MEGF9: variants seen among roughly 807,000 people sequenced by gnomAD.
MEGF9 encodes the protein multiple EGF like domains 9, also known as multiple epidermal growth factor-like domains protein 9.
In MEGF9, 6 loss-of-function variants were observed where a neutral mutation model predicts 46.8. The ratio of observed to expected loss-of-function variants is 0.13; its 90% confidence interval spans 0.07 to 0.25. MEGF9 has a LOEUF of 0.25. Ranked by LOEUF, MEGF9 falls within the 10% of genes least tolerant of loss-of-function variation. MEGF9 has a pLI of 1.00. For missense variants in MEGF9, 683 were observed against 792.4 expected (o/e 0.86, Z 1.66); for synonymous variants, 302 against 330.7 (o/e 0.91, Z 0.94).
intron 1 of MEGF9, among the ~76,000 whole-genome samples, chr9:120,696,749 G>GAGT (rs1164921210): frequency 6.6e-6 from 1 of 152,106 alleles, no homozygotes; most frequent in Non-Finnish European, 1.5e-5. Context: ...CTTTAACAGT[G>GAGT]AGTAATAGGA....
intron 4 of MEGF9, among the ~76,000 whole-genome samples, chr9:120,612,179 C>CATT (rs1320991817): frequency 1.3e-5 from 2 of 152,066 alleles, no homozygotes; most frequent in African/African-American, 4.8e-5. Context: ...GAAGTTCCTG[C>CATT]ATTAACTCAT....
intron 2 of MEGF9, among the ~76,000 whole-genome samples, chr9:120,633,758 G>C (rs899505754): frequency 6.6e-6 from 1 of 151,976 alleles, no homozygotes; most frequent in Non-Finnish European, 1.5e-5. Flanking sequence ...TTGATACTGT[G>C]TTTGCTCTAT....
intron 4 of MEGF9, among the ~76,000 whole-genome samples, chr9:120,611,065 G>A (rs1215004696): frequency 6.6e-6 from 1 of 152,116 alleles, no homozygotes; most frequent in Admixed American, 6.6e-5. Flanking sequence ...CTACTAGGAT[G>A]GCTATAATTA....
At chr9:120,701,313 G>C (rs2043903974) in intron 1 of MEGF9, among the ~76,000 whole-genome samples, 1 of 152,110 alleles carries the variant, frequency 6.6e-6, no homozygotes, top group South Asian at 2.1e-4. Context: ...TTTCTTGGAA[G>C]CATGTAAGAC....
intron 2 of MEGF9, among the ~76,000 whole-genome samples, chr9:120,637,001 A>G (rs781779789): frequency 6.6e-6 from 1 of 152,220 alleles, no homozygotes; most frequent in Non-Finnish European, 1.5e-5. Flanking sequence ...AAAAGGGTGA[A>G]ATGTGGGGAA....
At chr9:120,694,160 T>C (rs760839709) in intron 1 of MEGF9, among the ~76,000 whole-genome samples, 19 of 152,190 alleles carry the variant, frequency 1.2e-4, no homozygotes, top group Non-Finnish European at 2.5e-4. Context: ...AAGGATATAA[T>C]AGAACACATT....
chr9:120,672,433 A>AAAAT (rs145401927), intron 1 of MEGF9, among the ~76,000 whole-genome samples: 4,752 of 144,814 alleles, frequency 0.033, 174 homozygotes, highest in East Asian at 0.19. Flanking sequence ...TCTCTACAGA[A>AAAAT]AAATAAATAA....
chr9:120,689,883 A>G (rs370050169), intron 1 of MEGF9: 5 of 506,184 alleles, frequency 9.9e-6, no homozygotes, highest in African/African-American at 9.7e-5. Flanking sequence ...TCAATACCTG[A>G]TAACAATTTT....
At chr9:120,647,401 T>C (rs1337515879) in intron 2 of MEGF9, among the ~76,000 whole-genome samples, 1 of 152,222 alleles carries the variant, frequency 6.6e-6, no homozygotes, top group Non-Finnish European at 1.5e-5. Flanking sequence ...GAACTTAACA[T>C]ACTTGATATC....
At chr9:120,672,950 G>C (rs1413054159) in intron 1 of MEGF9, among the ~76,000 whole-genome samples, 2 of 152,162 alleles carry the variant, frequency 1.3e-5, no homozygotes, top group African/African-American at 4.8e-5. Context: ...TTGAATCCAG[G>C]AGGCAGAGGT....
At chr9:120,645,710 T>C (rs1230352774) in intron 2 of MEGF9, among the ~76,000 whole-genome samples, 2 of 152,218 alleles carry the variant, frequency 1.3e-5, no homozygotes, top group Non-Finnish European at 2.9e-5. Flanking sequence ...TTGTCAATTA[T>C]ATAAGCTTTC....
intron 2 of MEGF9, among the ~76,000 whole-genome samples, chr9:120,651,211 T>C (rs2043647995): frequency 6.6e-6 from 1 of 152,188 alleles, no homozygotes; most frequent in Non-Finnish European, 1.5e-5. Flanking sequence ...ATTATTTACA[T>C]AACATGAGCT....
At chr9:120,680,553 C>T (rs796359450) in intron 1 of MEGF9, among the ~76,000 whole-genome samples, 41 of 152,238 alleles carry the variant, frequency 2.7e-4, no homozygotes, top group African/African-American at 9.6e-4. Flanking sequence ...GCCACCACCA[C>T]TGGGACTGCA....
chr9:120,708,045 A>G (rs929378539), intron 1 of MEGF9, among the ~76,000 whole-genome samples: 2 of 144,560 alleles, frequency 1.4e-5, no homozygotes, highest in African/African-American at 5.8e-5. Flanking sequence ...ACTCTGTCTC[A>G]AACAAACAAA....
chr9:120,667,488 C>T (rs1348308803), intron 1 of MEGF9, among the ~76,000 whole-genome samples: 2 of 152,010 alleles, frequency 1.3e-5, no homozygotes, highest in African/African-American at 4.8e-5. Context: ...GTTTCTTTTT[C>T]AGATTGATCA....
intron 2 of MEGF9, among the ~76,000 whole-genome samples, chr9:120,630,184 C>T (rs2043544372): frequency 6.6e-6 from 1 of 152,176 alleles, no homozygotes; most frequent in Non-Finnish European, 1.5e-5. Flanking sequence ...CTATCTTCCC[C>T]TCCCACCTTT....
chr9:120,711,331 TA>T (rs2043952176), intron 1 of MEGF9, among the ~76,000 whole-genome samples: 1 of 152,228 alleles, frequency 6.6e-6, no homozygotes, highest in Non-Finnish European at 1.5e-5. Flanking sequence ...TAGATACCGA[TA>T]TTTTTTTTAA....
At chr9:120,639,862 A>G (rs1383356464) in intron 2 of MEGF9, among the ~76,000 whole-genome samples, 1 of 152,204 alleles carries the variant, frequency 6.6e-6, no homozygotes, top group African/African-American at 2.4e-5. Context: ...ATAACATATA[A>G]GTGAAAGGTT....
At chr9:120,619,066 C>T (rs959214378) in intron 3 of MEGF9, among the ~76,000 whole-genome samples, 1 of 152,090 alleles carries the variant, frequency 6.6e-6, no homozygotes, top group Non-Finnish European at 1.5e-5. Flanking sequence ...ATTTTATCAG[C>T]CAGGCACAGT....
Sources: allele counts gnomAD v4.1 joint callset (sites outside exome capture counted in the v4.1 genomes callset), GRCh38; gene constraint gnomAD v4.1.1; transcripts MANE v1.5; gene names NCBI Gene and HGNC (gene_info 2026-07-23, HGNC 2026-07-21).